PDE4B: variants seen among roughly 807,000 people sequenced by gnomAD.
The protein encoded by PDE4B is 3',5'-cyclic-AMP phosphodiesterase 4B.
Under a neutral mutation model 82.2 loss-of-function variants are expected in PDE4B, and 20 were observed. That is an observed-to-expected ratio of 0.24 (90% CI 0.17 to 0.35). The LOEUF (loss-of-function observed/expected upper bound fraction) is 0.35, where lower values mean the gene tolerates loss of function less well. Among genes scored for constraint, PDE4B ranks in the 10% least tolerant of loss-of-function variants. The pLI, the probability that PDE4B is intolerant of heterozygous loss-of-function variation, is 1.00. For synonymous variants in PDE4B, 320 were observed against 318.9 expected (o/e 1.00, Z -0.04); for missense variants, 655 against 907.2 (o/e 0.72, Z 3.57).
At chr1:66,341,370 T>C (rs1212298747) in intron 8 of PDE4B, among the ~76,000 whole-genome samples, 2 of 152,230 alleles carry the variant, frequency 1.3e-5, no homozygotes, top group Admixed American at 1.3e-4. Context: ...ATTCTCTCTT[T>C]TGTTTACATT....
In PDE4B at chr1:66,208,568, T is replaced by C. The variant is rs12047834; in HGVS notation, c.282-38892T>C. 1.4e-4 allele frequency among the ~76,000 whole-genome samples: 22 copies of C among 152,320 alleles called. No homozygotes were observed. The East Asian group carries it at 2.9e-3, about 20-fold the overall frequency. The stretch of plus-strand genomic sequence containing the variant: ...AATATTCCCATTTCTTTCTTAGTTA[T>C]AGGTATGAGGAGTCTAAAATATGCT... On this transcript the variant is annotated intron_variant, in intron 3 of 16. Coordinates refer to ENST00000341517, the MANE Select transcript of PDE4B (RefSeq NM_002600.4).
At chr1:65,850,450 A>C (rs1428820018) in intron 1 of PDE4B, among the ~76,000 whole-genome samples, 1 of 152,088 alleles carries the variant, frequency 6.6e-6, no homozygotes, top group Non-Finnish European at 1.5e-5. Flanking sequence ...TGGTGTAGTG[A>C]ACAATGAAGT....
intron 3 of PDE4B, among the ~76,000 whole-genome samples, chr1:66,060,027 G>A (rs1295312005): frequency 2.0e-5 from 3 of 152,154 alleles, no homozygotes; most frequent in Non-Finnish European, 4.4e-5. Flanking sequence ...AAGTCATTCT[G>A]TGAAAATTAA....
chr1:66,068,800 T>C lies in PDE4B; in HGVS notation c.281+149965T>C, dbSNP rs112819524. Among the ~76,000 whole-genome samples, 250 of 152,090 alleles carry C rather than the reference T, an allele frequency of 1.6e-3. 1 individual carries two copies. Among genetic ancestry groups the C allele is most frequent in the African/African-American group, 5.4e-3 (226 of 41,544 alleles). The stretch of plus-strand genomic sequence containing the variant: ...AAAAGGAAGATCCAAATGAGATCAT[T>C]TTTCATTGCTTTGATCAATTCCTTA... On this transcript the variant is annotated intron_variant, in intron 3 of 16. Coordinates refer to ENST00000341517, the MANE Select transcript of PDE4B (RefSeq NM_002600.4).
chr1:66,029,128 G>T (rs1351137312), intron 3 of PDE4B, among the ~76,000 whole-genome samples: 1 of 152,228 alleles, frequency 6.6e-6, no homozygotes, highest in Non-Finnish European at 1.5e-5. Context: ...CCACATGGCT[G>T]CAGAGGCCTC....
At chr1:66,053,002 A>G (rs1268624220) in intron 3 of PDE4B, among the ~76,000 whole-genome samples, 3 of 152,166 alleles carry the variant, frequency 2.0e-5, no homozygotes, top group African/African-American at 7.2e-5. Flanking sequence ...GTGTAGAAAA[A>G]TGTATTATTT....
intron 3 of PDE4B, among the ~76,000 whole-genome samples, chr1:66,114,609 C>T (rs1645554889): frequency 6.6e-6 from 1 of 151,054 alleles, no homozygotes; most frequent in Non-Finnish European, 1.5e-5. Flanking sequence ...ATTTTTTCAT[C>T]TCCTTGCATA....
intron 1 of PDE4B, among the ~76,000 whole-genome samples, chr1:65,903,384 C>T (rs34756497): frequency 0.27 from 40,398 of 151,478 alleles, 6,051 homozygotes; most frequent in East Asian, 0.48. Context: ...GGCAATATGG[C>T]GAAACCCATC....
intron 3 of PDE4B, among the ~76,000 whole-genome samples, chr1:65,993,837 C>T (rs1170512844): frequency 1.3e-5 from 2 of 152,060 alleles, no homozygotes; most frequent in East Asian, 3.8e-4. Context: ...CTCTGTAAAA[C>T]TTGCACTGAG....
At chr1:66,179,613 A>C (rs1029993275) in intron 3 of PDE4B, among the ~76,000 whole-genome samples, 9 of 152,230 alleles carry the variant, frequency 5.9e-5, no homozygotes, top group African/African-American at 2.2e-4. Flanking sequence ...ATGCCAATCA[A>C]TAGTTGCTGA....
At chr1:66,207,682 C>A (rs1431788443) in intron 3 of PDE4B, among the ~76,000 whole-genome samples, 1 of 152,064 alleles carries the variant, frequency 6.6e-6, no homozygotes, top group East Asian at 1.9e-4. Flanking sequence ...AGGATGTAGT[C>A]CCAGTCGTAA....
intron 3 of PDE4B, among the ~76,000 whole-genome samples, chr1:66,078,897 A>C (rs1444296357): frequency 6.6e-6 from 1 of 152,086 alleles, no homozygotes; most frequent in Non-Finnish European, 1.5e-5. Context: ...GGCCACTTAG[A>C]GTTTTGGATG....
chr1:66,327,653 C>G (rs768012232), intron 7 of PDE4B, among the ~76,000 whole-genome samples: 3 of 152,130 alleles, frequency 2.0e-5, no homozygotes, highest in Non-Finnish European at 4.4e-5. Flanking sequence ...TAAATTTAGT[C>G]TTCGAGAACA....
rs561780979 is a variant in PDE4B at position 66,339,640 on chromosome 1, A to C, written c.747+7020A>C. 2.6e-5 allele frequency among the ~76,000 whole-genome samples: 4 copies of C among 152,302 alleles called. No individual in the cohort carries two copies. In the East Asian group the frequency reaches 5.8e-4, roughly 22 times the overall value. Reference sequence around the variant, plus strand: ...ATAATAGTCTCAAAATCTGATAAATAAATCATTTTAAGGGGAGTATCTTTC... The same window carrying C: ...ATAATAGTCTCAAAATCTGATAAATCAATCATTTTAAGGGGAGTATCTTTC... On this transcript the variant is annotated intron_variant, in intron 8 of 16. Transcript: ENST00000341517.
At chr1:66,187,936 A>G (rs555699007) in intron 3 of PDE4B, among the ~76,000 whole-genome samples, 3,840 of 150,544 alleles carry the variant, frequency 0.026, 71 homozygotes, top group Middle Eastern at 0.095. Flanking sequence ...TGGGGTGTCA[A>G]TTTTAGATCT....
chr1:65,860,578 G>A (rs1478307980), intron 1 of PDE4B, among the ~76,000 whole-genome samples: 1 of 152,122 alleles, frequency 6.6e-6, no homozygotes, highest in Non-Finnish European at 1.5e-5. Context: ...GGGATTGCTG[G>A]GTCAAATGGT....
At chr1:65,983,329 G>T (rs1261464057) in intron 3 of PDE4B, among the ~76,000 whole-genome samples, 1 of 152,102 alleles carries the variant, frequency 6.6e-6, no homozygotes, top group East Asian at 1.9e-4. Flanking sequence ...AAGACTTTTG[G>T]AGGTGTTGTG....
At chr1:66,339,096 C>CA (rs903337139) in intron 8 of PDE4B, among the ~76,000 whole-genome samples, 7 of 151,294 alleles carry the variant, frequency 4.6e-5, no homozygotes, top group African/African-American at 1.5e-4. Context: ...TGGGCAATTT[C>CA]ATTATATGCC....
chr1:66,272,457 C>T (rs190359202), intron 7 of PDE4B, among the ~76,000 whole-genome samples: 1 of 152,294 alleles, frequency 6.6e-6, no homozygotes, highest in African/African-American at 2.4e-5. Context: ...TATATAAATG[C>T]CAGACATCTG....
Sources: gnomAD v4.1 joint callset for allele counts (sites outside exome capture counted in the v4.1 genomes callset) on GRCh38, gnomAD v4.1.1 for gene constraint, MANE v1.5 for transcripts, NCBI Gene and HGNC (gene_info 2026-07-23, HGNC 2026-07-21) for gene names.